The following SVOPL variants were observed in gnomAD, a reference collection of about 807,000 sequenced individuals.
SVOPL encodes the protein SVOP like.
A neutral mutation model predicts 61.0 loss-of-function variants in SVOPL; 60 were observed. The ratio of observed to expected loss-of-function variants is 0.98; its 90% CI spans 0.80 to 1.22. SVOPL has a LOEUF of 1.22. SVOPL is among the 50% of genes most tolerant of loss of function. The pLI, the probability that SVOPL is intolerant of heterozygous loss-of-function variation, is 0.00. For missense variants in SVOPL, 662 were observed against 643.9 expected (o/e 1.03, Z -0.30); for synonymous variants, 279 against 250.0 (o/e 1.12, Z -1.09).
At chr7:138,627,860 T>A (rs1299012223) in intron 11 of SVOPL, among the ~76,000 whole-genome samples, 1 of 152,212 alleles carries the variant, frequency 6.6e-6, no homozygotes, top group Non-Finnish European at 1.5e-5. Flanking sequence ...ATAGAAATAA[T>A]GCTGTCAATT....
chr7:138,596,202 AAAAAAG>A (rs1237703813), intron 15 of SVOPL, among the ~76,000 whole-genome samples: 3 of 151,744 alleles, frequency 2.0e-5, no homozygotes, highest in Non-Finnish European at 4.4e-5. Flanking sequence ...AAAAAAAAAA[AAAAAAG>A]AAAGAAAAGT....
At chr7:138,676,354 C>T (rs1563134914) in intron 3 of SVOPL, among the ~76,000 whole-genome samples, 1 of 152,188 alleles carries the variant, frequency 6.6e-6, no homozygotes, top group Non-Finnish European at 1.5e-5. Flanking sequence ...CATTTTCTCA[C>T]AGTTCTGCAG....
intron 4 of SVOPL, among the ~76,000 whole-genome samples, chr7:138,666,691 GTT>G (rs1373054942): frequency 6.6e-6 from 1 of 151,614 alleles, no homozygotes; most frequent in Non-Finnish European, 1.5e-5. Context: ...TGCACAAACT[GTT>G]TGTTTTCTGT....
rs990760585 is a variant in SVOPL at position 138,622,498 on chromosome 7, G to T, written c.1264-1363C>A. On this transcript the variant is annotated intron_variant, in intron 13 of 15. Coordinates refer to ENST00000674285, the MANE Select transcript of SVOPL (RefSeq NM_001139456.2). ...TTAGTGGAGGCAGCGGCGGGCGGGGGGTCTCTCCAAGTTGGCCGGGTTGGT... is the reference window on the plus strand; with the variant it reads ...TTAGTGGAGGCAGCGGCGGGCGGGGTGTCTCTCCAAGTTGGCCGGGTTGGT... 4.6e-5 allele frequency among the ~76,000 whole-genome samples: 7 copies of T among 151,802 alleles called. No individual in the cohort carries two copies. The South Asian group carries it at 1.0e-3, about 23-fold the overall frequency.
rs749603417 is a variant in SVOPL, at chr7:138,642,831, C to CAAAAAAAAAAAAAAAAAAAAAAAA, written c.789+1885_789+1886insTTTTTTTTTTTTTTTTTTTTTTTT. On this transcript the variant is annotated intron_variant, in intron 9 of 15. Coordinates refer to ENST00000674285, the MANE Select transcript of SVOPL (RefSeq NM_001139456.2). Reference sequence around the variant, plus strand: ...GACGATAGAGCGAGACTCCTACCTCCAAAAAAAAAAAAAAAAAAAGAAGAA... The same window carrying CAAAAAAAAAAAAAAAAAAAAAAAA: ...GACGATAGAGCGAGACTCCTACCTCCAAAAAAAAAAAAAAAAAAAAAAAAAAAAAAAAAAAAAAAAAAAGAAGAA... 3.7e-4 allele frequency among the ~76,000 whole-genome samples: 10 copies of CAAAAAAAAAAAAAAAAAAAAAAAA among 26,904 alleles called. No individual in the cohort carries two copies. The East Asian group carries it at 5.9e-3, about 16-fold the overall frequency. The allele number at this position is 26,904 out of a possible 152,430, so 17.7% of individuals were successfully genotyped here.
chr7:138,672,647 T>TTTG (rs111692404), intron 3 of SVOPL, among the ~76,000 whole-genome samples: 21,206 of 137,224 alleles, frequency 0.15, 2,498 homozygotes, highest in African/African-American at 0.33. Context: ...AAGTGTTTTT[T>TTTG]TTTGTGTTTA....
intron 3 of SVOPL, among the ~76,000 whole-genome samples, chr7:138,674,034 A>C (rs1203921429): frequency 6.6e-6 from 1 of 151,912 alleles, no homozygotes; most frequent in Non-Finnish European, 1.5e-5. Flanking sequence ...AAAATACAAA[A>C]TAAATTAGCT....
intron 4 of SVOPL, among the ~76,000 whole-genome samples, chr7:138,669,911 C>G (rs1474830593): frequency 6.6e-6 from 1 of 152,066 alleles, no homozygotes; most frequent in Non-Finnish European, 1.5e-5. Context: ...TTGGCACTTA[C>G]AAAGTCCTGT....
chr7:138,608,298 C>T (rs1436194291), intron 14 of SVOPL, among the ~76,000 whole-genome samples: 1 of 152,168 alleles, frequency 6.6e-6, no homozygotes, highest in African/African-American at 2.4e-5. Flanking sequence ...GGGTTTAGAA[C>T]AGCCAGTTTA....
chr7:138,622,230 CTATGTATCTATCTATCTATCTATG>C (rs1799683771), intron 13 of SVOPL, among the ~76,000 whole-genome samples: 1 of 114,768 alleles, frequency 8.7e-6, no homozygotes, highest in Non-Finnish European at 1.8e-5. Flanking sequence ...ATGTATCTAT[CTATGTATCTATCTATCTATCTATG>C]TATCTATCTA....
chr7:138,660,653 T>C, intron 5 of SVOPL: 2 of 985,458 alleles, frequency 2.0e-6, no homozygotes, highest in Non-Finnish European at 2.4e-6. Flanking sequence ...TATCTGTACA[T>C]AAGTCGTTAT....
chr7:138,629,127 ATGTGTGTGTGTG>A (rs71520009), intron 10 of SVOPL, among the ~76,000 whole-genome samples: 13 of 66,098 alleles, frequency 2.0e-4, no homozygotes, highest in Admixed American at 1.9e-3. Context: ...TGTTTTATAT[ATGTGTGTGTGTG>A]TGTGTGTGTG....
At chr7:138,687,537 T>A (rs373783443) in intron 1 of SVOPL, among the ~76,000 whole-genome samples, 1 of 151,752 alleles carries the variant, frequency 6.6e-6, no homozygotes, top group Non-Finnish European at 1.5e-5. Context: ...GCACTTGCCC[T>A]ACATTTTTTT....
rs1799290185 is a variant in SVOPL, at chr7:138,616,166, T to C, written c.1353+4880A>G. ...AACTATGAGAAATAAGTTTCTGTTT[T>C]TATAAGCCACCCAGAGTCTGTGGTA... On this transcript the variant is annotated intron_variant, in intron 14 of 15. Transcript: ENST00000674285. Among the ~76,000 whole-genome samples, 4 of 152,294 alleles carry C rather than the reference T, an allele frequency of 2.6e-5. No individual in the cohort carries two copies. The South Asian group carries it at 8.3e-4, about 32-fold the overall frequency.
rs185797564 is a variant in SVOPL at position 138,670,826 on chromosome 7, T to C, written c.273+1193A>G. 2.9e-3 allele frequency among the ~76,000 whole-genome samples: 437 copies of C among 152,282 alleles called. 2 individuals carry two copies. The highest frequency in any genetic ancestry group is 5.0e-3 in the Non-Finnish European group (341 of 68,032). On this transcript the variant is annotated intron_variant, in intron 4 of 15. Coordinates refer to ENST00000674285, the MANE Select transcript of SVOPL (RefSeq NM_001139456.2). Reference sequence around the variant, plus strand: ...CCTTCTACCCTGCAGCCTTATCTCCTTGGAGTTCTTAGAAAACTGACCACA... The same window carrying C: ...CCTTCTACCCTGCAGCCTTATCTCCCTGGAGTTCTTAGAAAACTGACCACA...
chr7:138,642,786 C>T (rs538020007), intron 9 of SVOPL, among the ~76,000 whole-genome samples: 10 of 147,138 alleles, frequency 6.8e-5, no homozygotes, highest in African/African-American at 1.6e-4. Flanking sequence ...GCCGAGATCA[C>T]GCTACTACAC....
At position 138,621,120 on chromosome 7, in the gene SVOPL, T is replaced by C. The variant is rs1383835041; in HGVS notation, c.1279A>G (p.Met427Val). 2 of 1,613,592 alleles carry C rather than the reference T, an allele frequency of 1.2e-6. No homozygotes were observed. Among genetic ancestry groups the C allele is most frequent in the Non-Finnish European group, 8.5e-7 (1 of 1,179,766 alleles). ...CTGGTTCCCATCCCCAAAGCGCGCA[T>C]CGTGGTGGGGTAGACCTGCAGGGAG... ...IYTAEVYPTTMRALGMGTSGS... is the reference protein window; with the variant it reads ...IYTAEVYPTTVRALGMGTSGS... The change falls in exon 14 of 16, where the codon ATG (methionine) becomes GTG (valine). Residue 427 changes from methionine (M) to valine (V), a missense_variant. Transcript: ENST00000674285.
chr7:138,664,142 C>G (rs1301603116), intron 4 of SVOPL: 1 of 910,910 alleles, frequency 1.1e-6, no homozygotes, highest in Non-Finnish European at 1.3e-6. Flanking sequence ...TCACTCGCCC[C>G]CAACGATCCT....
At chr7:138,644,921 C>A in intron 8 of SVOPL, 76 bp from the exon 9 acceptor site, 1 of 1,557,066 alleles carries the variant, frequency 6.4e-7, no homozygotes, top group Non-Finnish European at 8.8e-7. Flanking sequence ...TTGCTCTATA[C>A]ACTACAGTCC....
Sources: allele counts gnomAD v4.1 joint callset (sites outside exome capture counted in the v4.1 genomes callset), GRCh38; gene constraint gnomAD v4.1.1; transcripts MANE v1.5; gene names NCBI Gene and HGNC (gene_info 2026-07-23, HGNC 2026-07-21).